The following ANKRD28 variants were observed in gnomAD, a reference collection of about 807,000 sequenced individuals.
ANKRD28 encodes ankyrin repeat domain 28.
ANKRD28 carries 44 observed loss-of-function variants against 126.5 expected under a neutral mutation model. That is an observed-to-expected ratio of 0.35 (90% CI 0.27 to 0.45). The LOEUF (loss-of-function observed/expected upper bound fraction) is 0.45. Ranked by LOEUF, ANKRD28 falls within the 20% of genes least tolerant of loss-of-function variation. The pLI is 1.00. For missense variants in ANKRD28, 1,110 were observed against 1,316.6 expected (o/e 0.84, Z 2.43); for synonymous variants, 442 against 468.5 (o/e 0.94, Z 0.73).
In ANKRD28 at chr3:15,667,964, T is replaced by A. The variant is rs2066067134; in HGVS notation, c.*2306A>T. Reference sequence around the variant, plus strand: ...TCTGGAAATCACTTCAGCAGAGAAGTCAAACAGCCTGTAAAAGAGAAGACA... The same window carrying A: ...TCTGGAAATCACTTCAGCAGAGAAGACAAACAGCCTGTAAAAGAGAAGACA... On this transcript the variant is annotated 3_prime_UTR_variant, in exon 28 of 28. Coordinates refer to ENST00000683139, the MANE Select transcript of ANKRD28 (RefSeq NM_001349278.2). The A allele has an allele frequency of 6.6e-6, 1 of 152,166 alleles. No individual in the cohort carries two copies. Among genetic ancestry groups the A allele is most frequent in the Non-Finnish European group, 1.5e-5 (1 of 68,036 alleles). 9.4% of individuals were successfully genotyped at this position (152,166 alleles called of 1,614,324 possible).
chr3:15,762,134 C>T (rs1435248612), intron 3 of ANKRD28, among the ~76,000 whole-genome samples: 1 of 133,986 alleles, frequency 7.5e-6, no homozygotes, highest in Non-Finnish European at 1.6e-5. Flanking sequence ...TGCAGTAAAC[C>T]GAGAGATGGT....
At chr3:15,723,037 C>T (rs1488555518) in intron 7 of ANKRD28, among the ~76,000 whole-genome samples, 2 of 152,160 alleles carry the variant, frequency 1.3e-5, no homozygotes, top group Admixed American at 6.5e-5. Flanking sequence ...CCAGAGTTTA[C>T]AAATGTAACT....
At chr3:15,685,047 T>C (rs1296680272) in intron 21 of ANKRD28, 179 bp downstream of exon 21, 2 of 616,264 alleles carry the variant, frequency 3.2e-6, no homozygotes, top group Non-Finnish European at 5.7e-6. Flanking sequence ...GTCTTGGCTT[T>C]AGCATGACAA....
chr3:15,796,648 T>G lies in ANKRD28; in HGVS notation c.-127A>C, dbSNP rs2060289808. ...TCTCTGAACAGCACAGCTGGGTTTT[T>G]TTTTTTTTTAAAGTTAATAAGTACT... On this transcript the variant is annotated 5_prime_UTR_variant, in exon 1 of 28. Transcript: ENST00000683139. 1 of 999,592 alleles carries G rather than the reference T, an allele frequency of 1.0e-6. No homozygotes were observed. The allele number at this position is 999,592 out of a possible 1,614,324, so 61.9% of individuals were successfully genotyped here. A position where few individuals can be genotyped will look rare whatever the true frequency, so the allele number is the denominator to read the frequency against.
chr3:15,696,399 A>T (rs2125895424), intron 14 of ANKRD28, among the ~76,000 whole-genome samples, 154 bp from the exon 15 acceptor site: 1 of 152,292 alleles, frequency 6.6e-6, no homozygotes, highest in Non-Finnish European at 1.5e-5. Flanking sequence ...CATTTAAATG[A>T]CACTGACTAA....
At chr3:15,735,252 T>TC (rs2074939485) in intron 6 of ANKRD28, among the ~76,000 whole-genome samples, 158 bp downstream of exon 6, 1 of 151,990 alleles carries the variant, frequency 6.6e-6, no homozygotes, top group Non-Finnish European at 1.5e-5. Context: ...ACTCCAAACC[T>TC]CCCCCATTAC....
chr3:15,837,821 A>G (rs2061354941), intron 1 of ANKRD28, among the ~76,000 whole-genome samples: 1 of 151,908 alleles, frequency 6.6e-6, no homozygotes, highest in Non-Finnish European at 1.5e-5. Context: ...AAAGAAAAAG[A>G]AGAAAATGAA....
At chr3:15,778,527 CTA>C (rs1355748753) in intron 2 of ANKRD28, among the ~76,000 whole-genome samples, 1 of 152,204 alleles carries the variant, frequency 6.6e-6, no homozygotes, top group East Asian at 1.9e-4. Flanking sequence ...TCACCCTCCA[CTA>C]GCAGAGAATG....
intron 2 of ANKRD28, among the ~76,000 whole-genome samples, chr3:15,778,820 C>T (rs962507704): frequency 1.3e-5 from 2 of 152,068 alleles, no homozygotes; most frequent in African/African-American, 2.4e-5. Flanking sequence ...TGTAATAATC[C>T]CTACGTGTCA....
At chr3:15,742,306 G>A (rs564497001) in intron 4 of ANKRD28, among the ~76,000 whole-genome samples, 1,841 of 150,568 alleles carry the variant, frequency 0.012, 14 homozygotes, top group Non-Finnish European at 0.02. Flanking sequence ...GCCTCTTCCC[G>A]GCTGCCATCC....
Position 15,839,552 on chromosome 3 carries a change from A to G in ANKRD28, c.27+19825T>C, listed in dbSNP as rs1385813802. ...GGGTCAAATTTCCATCTGCAGGGTA[A>G]ATAATAACATGATACATGAACCAGA... On this transcript the variant is annotated intron_variant, in intron 1 of 27. Transcript: ENST00000399451. This position sits in a 1 kb window ranked among gnomAD's most constrained non-coding sequence, Gnocchi z 4.3. Among the ~76,000 whole-genome samples, 1 of 152,168 alleles carries G rather than the reference A, an allele frequency of 6.6e-6. No homozygotes were observed. Among genetic ancestry groups the G allele is most frequent in the African/African-American group, 2.4e-5 (1 of 41,428 alleles).
At chr3:15,672,396 C>T (rs1008420038) in intron 27 of ANKRD28, among the ~76,000 whole-genome samples, 3 of 152,176 alleles carry the variant, frequency 2.0e-5, no homozygotes, top group African/African-American at 7.2e-5. Flanking sequence ...CCCGCCTCTG[C>T]CTCCCAAAGT....
intron 11 of ANKRD28, 49 bp downstream of exon 11, chr3:15,712,091 T>A: frequency 7.0e-7 from 1 of 1,430,544 alleles, no homozygotes; most frequent in Non-Finnish European, 9.6e-7. Context: ...ATCTAAAAAT[T>A]TTGAGGGGTT....
intron 14 of ANKRD28, among the ~76,000 whole-genome samples, chr3:15,700,518 G>A (rs1240605722): frequency 6.6e-6 from 1 of 151,908 alleles, no homozygotes; most frequent in Non-Finnish European, 1.5e-5. Flanking sequence ...GCTCATGCCT[G>A]TAATCCCAGC....
intron 1 of ANKRD28, among the ~76,000 whole-genome samples, chr3:15,857,315 C>A (rs748173153): frequency 1.3e-5 from 2 of 152,152 alleles, no homozygotes; most frequent in Non-Finnish European, 2.9e-5. Context: ...GATGGAGTCT[C>A]GCTCTGTCGC....
chr3:15,788,453 G>A (rs1259814022), intron 2 of ANKRD28, among the ~76,000 whole-genome samples: 3 of 151,964 alleles, frequency 2.0e-5, no homozygotes, highest in East Asian at 1.9e-4. Context: ...TTCTGCAGAC[G>A]GTTAATTTTT....
intron 2 of ANKRD28, among the ~76,000 whole-genome samples, chr3:15,788,893 C>A (rs945699381): frequency 2.6e-5 from 4 of 151,878 alleles, no homozygotes; most frequent in Admixed American, 2.0e-4. Flanking sequence ...TGTAACCCTA[C>A]ACATTTACCC....
At chr3:15,821,292 A>G (rs574859251) in intron 1 of ANKRD28, among the ~76,000 whole-genome samples, 13 of 152,362 alleles carry the variant, frequency 8.5e-5, no homozygotes, top group South Asian at 2.1e-4. Context: ...TGGCAAAAAC[A>G]ACTTCAATAA....
At chr3:15,680,370 GC>G (rs2067414616) in intron 21 of ANKRD28, among the ~76,000 whole-genome samples, 1 of 151,680 alleles carries the variant, frequency 6.6e-6, no homozygotes. Flanking sequence ...TGCCCAGCTA[GC>G]TTTTTTCGTA....
Sources: gnomAD v4.1 joint callset for allele counts (sites outside exome capture counted in the v4.1 genomes callset) on GRCh38, gnomAD v4.1.1 for gene constraint, Gnocchi (gnomAD v3.1) non-coding constraint, MANE v1.5 for transcripts, NCBI Gene and HGNC (gene_info 2026-07-23, HGNC 2026-07-21) for gene names.